TMEM132D: variants seen among roughly 807,000 people sequenced by gnomAD.
TMEM132D encodes the protein mature OL transmembrane protein.
Under a neutral mutation model 62.3 loss-of-function variants are expected in TMEM132D, and 21 were observed. The ratio of observed to expected loss-of-function variants is 0.34; its 90% confidence interval spans 0.24 to 0.49. The LOEUF (loss-of-function observed/expected upper bound fraction) is 0.49, where lower values mean the gene tolerates loss of function less well. Among genes scored for constraint, TMEM132D ranks in the 20% least tolerant of loss-of-function variants. The pLI is 0.99. For synonymous variants in TMEM132D, 621 were observed against 575.6 expected (o/e 1.08, Z -1.13); for missense variants, 1,346 against 1,402.8 (o/e 0.96, Z 0.65).
intron 7 of TMEM132D, among the ~76,000 whole-genome samples, chr12:129,079,599 C>T (rs1874388615): frequency 6.6e-6 from 1 of 152,188 alleles, no homozygotes; most frequent in African/African-American, 2.4e-5. Context: ...CCTCCATTCT[C>T]CTGCTTTCTC....
intron 5 of TMEM132D, among the ~76,000 whole-genome samples, chr12:129,186,228 G>A (rs1236005948): frequency 6.6e-6 from 1 of 152,192 alleles, no homozygotes; most frequent in African/African-American, 2.4e-5. Context: ...AGGCCACCTT[G>A]GTGCATCTCC....
chr12:129,264,149 A>G (rs774031584), intron 4 of TMEM132D, among the ~76,000 whole-genome samples: 22 of 152,168 alleles, frequency 1.4e-4, no homozygotes, highest in Non-Finnish European at 8.8e-5. Flanking sequence ...AGCACTTTGG[A>G]AGGCCAAGGC....
Position 129,095,195 on chromosome 12 carries a change from TA to T in TMEM132D, c.1444-10494del, listed in dbSNP as rs1278749076. Among the ~76,000 whole-genome samples the T allele has an allele frequency of 7.3e-5, 11 of 150,154 alleles. No individual in the cohort carries two copies. The East Asian group carries it at 1.2e-3, about 16-fold the overall frequency. On this transcript the variant is annotated intron_variant, in intron 5 of 8. Coordinates refer to ENST00000422113, the MANE Select transcript of TMEM132D (RefSeq NM_133448.3). The stretch of plus-strand genomic sequence containing the variant: ...CTTAAAGTATAATAATAATAAAATT[TA>T]AAAAAAAAGGATGAATAGATAAAAA...
At chr12:129,090,441 G>T (rs1874870005) in intron 5 of TMEM132D, among the ~76,000 whole-genome samples, 1 of 152,180 alleles carries the variant, frequency 6.6e-6, no homozygotes, top group Admixed American at 6.5e-5. Flanking sequence ...CAAGGAGGAG[G>T]ATCACCTGAG....
At chr12:129,607,564 C>G (rs1878659852) in intron 2 of TMEM132D, among the ~76,000 whole-genome samples, 1 of 152,162 alleles carries the variant, frequency 6.6e-6, no homozygotes. Flanking sequence ...TAAACAAAGA[C>G]ACTCTTACAG....
At chr12:129,369,198 A>G (rs772506244) in intron 3 of TMEM132D, among the ~76,000 whole-genome samples, 1 of 152,200 alleles carries the variant, frequency 6.6e-6, no homozygotes. Flanking sequence ...GTATCTGGGC[A>G]TATCTGTGGT....
rs777568513 is a variant in TMEM132D at position 129,577,688 on chromosome 12, G to A, written c.969-46483C>T. ...TATTTGCAGGCCACAAGGTTCATGC[G>A]CAACTTTTTTCAATTTGTCTCAAAT... On this transcript the variant is annotated intron_variant, in intron 2 of 8. Transcript: ENST00000422113. 3.0e-4 allele frequency among the ~76,000 whole-genome samples: 45 copies of A among 151,938 alleles called. 1 individual carries two copies. Among genetic ancestry groups the A allele is most frequent in the Non-Finnish European group, 3.5e-4 (24 of 68,000 alleles).
At chr12:129,763,762 G>A (rs936693214) in intron 1 of TMEM132D, among the ~76,000 whole-genome samples, 2 of 151,904 alleles carry the variant, frequency 1.3e-5, no homozygotes, top group Non-Finnish European at 2.9e-5. Context: ...AAGGCTGCAG[G>A]TCCTGTAAAC....
At chr12:129,711,403 G>A (rs1593130417) in intron 1 of TMEM132D, among the ~76,000 whole-genome samples, 2 of 152,310 alleles carry the variant, frequency 1.3e-5, no homozygotes, top group South Asian at 2.1e-4. Flanking sequence ...AAAGCACTCA[G>A]CCTGCTCAAA....
At chr12:129,109,642 G>C (rs893561525) in intron 5 of TMEM132D, 1 of 156,290 alleles carries the variant, frequency 6.4e-6, no homozygotes, top group African/African-American at 2.4e-5. Flanking sequence ...AGATCTGATG[G>C]GTTTATCCGG....
intron 3 of TMEM132D, among the ~76,000 whole-genome samples, chr12:129,481,003 C>A (rs1412533140): frequency 6.6e-6 from 1 of 151,968 alleles, no homozygotes; most frequent in Non-Finnish European, 1.5e-5. Context: ...TACTACGCAG[C>A]AGCTAGAAGC....
At chr12:129,433,407 CAATT>C (rs1421972069) in intron 3 of TMEM132D, among the ~76,000 whole-genome samples, 2 of 152,170 alleles carry the variant, frequency 1.3e-5, no homozygotes, top group African/African-American at 4.8e-5. Context: ...TCCGCACTCT[CAATT>C]AATTGGTAAT....
Position 129,456,536 on chromosome 12 carries a change from C to T in TMEM132D, c.1115+74523G>A, listed in dbSNP as rs574928620. On this transcript the variant is annotated intron_variant, in intron 3 of 8. Coordinates refer to ENST00000422113, the MANE Select transcript of TMEM132D (RefSeq NM_133448.3). ...CCAGGGGCAAATGGAGCTGTCCCTC[C>T]ATGTGGCTCTCATGATGCAGGTAGA... 8.5e-5 allele frequency among the ~76,000 whole-genome samples: 13 copies of T among 152,288 alleles called. No homozygotes were observed. The East Asian group carries it at 2.3e-3, about 27-fold the overall frequency.
At chr12:129,750,308 T>G (rs1314846259) in intron 1 of TMEM132D, among the ~76,000 whole-genome samples, 2 of 151,892 alleles carry the variant, frequency 1.3e-5, no homozygotes, top group African/African-American at 4.8e-5. Context: ...ATGGTCTCGA[T>G]CTCCTGACCT....
At chr12:129,202,875 C>A (rs4964855) in intron 5 of TMEM132D, among the ~76,000 whole-genome samples, 76,905 of 152,074 alleles carry the variant, frequency 0.51, 19,846 homozygotes, top group Middle Eastern at 0.59. Context: ...CGTGAGGCAG[C>A]TTTAGGCTAA....
At chr12:129,486,713 G>T (rs945636163) in intron 3 of TMEM132D, among the ~76,000 whole-genome samples, 1 of 152,126 alleles carries the variant, frequency 6.6e-6, no homozygotes, top group Non-Finnish European at 1.5e-5. Flanking sequence ...TTACCTCCAT[G>T]CCTGTGGTTC....
At chr12:129,632,616 T>C (rs1479552397) in intron 2 of TMEM132D, among the ~76,000 whole-genome samples, 1 of 152,206 alleles carries the variant, frequency 6.6e-6, no homozygotes, top group Non-Finnish European at 1.5e-5. Flanking sequence ...CTCTGAGCAC[T>C]TTGCCAGTCC....
intron 3 of TMEM132D, among the ~76,000 whole-genome samples, chr12:129,421,338 AC>A (rs1872319204): frequency 6.6e-6 from 1 of 152,144 alleles, no homozygotes; most frequent in Admixed American, 6.5e-5. Flanking sequence ...CATTAAAATA[AC>A]CAAAGGTTTC....
At chr12:129,528,755 A>G (rs1278834641) in intron 3 of TMEM132D, among the ~76,000 whole-genome samples, 1 of 152,270 alleles carries the variant, frequency 6.6e-6, no homozygotes, top group Non-Finnish European at 1.5e-5. Context: ...TATCAAATTG[A>G]ACAAACATTT....
Sources: gnomAD v4.1 joint callset for allele counts (sites outside exome capture counted in the v4.1 genomes callset) on GRCh38, gnomAD v4.1.1 for gene constraint, MANE v1.5 for transcripts, NCBI Gene and HGNC (gene_info 2026-07-23, HGNC 2026-07-21) for gene names.